The following TAFA1 variants were observed in gnomAD, a reference collection of about 807,000 sequenced individuals.
TAFA1 encodes TAFA chemokine like family member 1.
A neutral mutation model predicts 18.5 loss-of-function variants in TAFA1; 4 were observed. The ratio of observed to expected loss-of-function variants is 0.22; its 90% CI spans 0.11 to 0.49. The LOEUF is 0.49. TAFA1 is among the 20% of genes least tolerant of loss of function. The probability of loss-of-function intolerance (pLI) is 0.98; values close to 1 mark genes in which losing one functional copy is unlikely to be tolerated. For synonymous variants in TAFA1, 56 were observed against 55.2 expected (o/e 1.01, Z -0.06); for missense variants, 147 against 169.0 (o/e 0.87, Z 0.72).
chr3:68,542,758 C>A (rs1296107943), intron 4 of TAFA1, among the ~76,000 whole-genome samples: 2 of 152,096 alleles, frequency 1.3e-5, no homozygotes, highest in South Asian at 2.1e-4. Context: ...AGTTAAGAGA[C>A]AAATGGTGGT....
chr3:68,022,139 A>C (rs1238554578), intron 2 of TAFA1, among the ~76,000 whole-genome samples: 1 of 152,192 alleles, frequency 6.6e-6, no homozygotes, highest in African/African-American at 2.4e-5. Context: ...GTATTTAATT[A>C]AATTGTTGAA....
chr3:68,522,066 C>G (rs1432804357), intron 3 of TAFA1, among the ~76,000 whole-genome samples: 1 of 151,588 alleles, frequency 6.6e-6, no homozygotes, highest in African/African-American at 2.4e-5. Flanking sequence ...AGGGTGGTCT[C>G]CATCTCCTGG....
At chr3:68,504,815 A>G (rs2072719570) in intron 3 of TAFA1, among the ~76,000 whole-genome samples, 1 of 152,162 alleles carries the variant, frequency 6.6e-6, no homozygotes, top group Non-Finnish European at 1.5e-5. Context: ...CCAGGTTTCA[A>G]CCTGTGCTAT....
intron 2 of TAFA1, among the ~76,000 whole-genome samples, chr3:68,187,372 A>T (rs577823222): frequency 6.6e-6 from 1 of 152,130 alleles, no homozygotes; most frequent in Admixed American, 6.6e-5. Flanking sequence ...TGCCCCTTCT[A>T]ATCACCTTCA....
chr3:68,493,072 T>C (rs2072482307), intron 3 of TAFA1, among the ~76,000 whole-genome samples: 2 of 152,206 alleles, frequency 1.3e-5, no homozygotes, highest in African/African-American at 4.8e-5. Flanking sequence ...ATTCATATTG[T>C]TGTGCAAATC....
At chr3:68,442,679 G>A (rs766294775) in intron 3 of TAFA1, among the ~76,000 whole-genome samples, 3 of 152,160 alleles carry the variant, frequency 2.0e-5, no homozygotes, top group Non-Finnish European at 4.4e-5. Flanking sequence ...TCTACAAAAT[G>A]TATGGGATGC....
chr3:68,410,080 A>C (rs1431272875), intron 2 of TAFA1, among the ~76,000 whole-genome samples: 1 of 152,192 alleles, frequency 6.6e-6, no homozygotes, highest in Non-Finnish European at 1.5e-5. Flanking sequence ...GCATTTTTTT[A>C]ACTTCTCCAG....
Position 68,321,100 on chromosome 3 carries a change from C to T in TAFA1, c.119-96180C>T, listed in dbSNP as rs112107625. Among the ~76,000 whole-genome samples, 1,002 of 152,288 alleles carry T rather than the reference C, an allele frequency of 6.6e-3. 11 individuals are homozygous for T. The highest frequency in any genetic ancestry group is 0.014 in the Middle Eastern group (4 of 294). On this transcript the variant is annotated intron_variant, in intron 2 of 4. Coordinates refer to ENST00000478136, the MANE Select transcript of TAFA1 (RefSeq NM_213609.4). Reference sequence around the variant, plus strand: ...TCTTGCCAACTGTGTTATGTCAAGTCAATTACTCTGTCTTTACTTGAGTAT... The same window carrying T: ...TCTTGCCAACTGTGTTATGTCAAGTTAATTACTCTGTCTTTACTTGAGTAT...
At chr3:68,064,319 T>C (rs542357562) in intron 2 of TAFA1, among the ~76,000 whole-genome samples, 1 of 152,158 alleles carries the variant, frequency 6.6e-6, no homozygotes, top group East Asian at 1.9e-4. Context: ...CTGAAGCATA[T>C]TTTTTTTATT....
At chr3:68,226,266 T>C (rs2066799059) in intron 2 of TAFA1, among the ~76,000 whole-genome samples, 2 of 152,340 alleles carry the variant, frequency 1.3e-5, no homozygotes, top group Non-Finnish European at 1.5e-5. Flanking sequence ...CAGGCTGATA[T>C]GCTCCAAAGT....
chr3:68,464,366 G>A (rs2071842778), intron 3 of TAFA1, among the ~76,000 whole-genome samples: 1 of 152,204 alleles, frequency 6.6e-6, no homozygotes, highest in African/African-American at 2.4e-5. Context: ...GAGTTGGAAT[G>A]GAGGGAGCTC....
At chr3:68,399,065 A>G (rs942267575) in intron 2 of TAFA1, among the ~76,000 whole-genome samples, 3 of 152,184 alleles carry the variant, frequency 2.0e-5, no homozygotes, top group African/African-American at 7.2e-5. Flanking sequence ...GTTCTAATTT[A>G]CATAACTTTA....
chr3:68,255,805 T>A (rs938729443), intron 2 of TAFA1, among the ~76,000 whole-genome samples: 13 of 152,104 alleles, frequency 8.5e-5, no homozygotes. Flanking sequence ...GGAGATGGGC[T>A]AATAGGAAGT....
Position 68,310,394 on chromosome 3 carries a change from T to C in TAFA1, c.119-106886T>C, listed in dbSNP as rs546995230. ...AATTTTTTCTGGTGAATTATTGCCATGAATATTTCAGTACTTCAACAAGAG... is the reference window on the plus strand; with the variant it reads ...AATTTTTTCTGGTGAATTATTGCCACGAATATTTCAGTACTTCAACAAGAG... On this transcript the variant is annotated intron_variant, in intron 2 of 4. Coordinates refer to ENST00000478136, the MANE Select transcript of TAFA1 (RefSeq NM_213609.4). 6.6e-5 allele frequency among the ~76,000 whole-genome samples: 10 copies of C among 152,306 alleles called. No individual in the cohort carries two copies. The South Asian group carries it at 1.4e-3, about 22-fold the overall frequency.
intron 3 of TAFA1, among the ~76,000 whole-genome samples, chr3:68,470,768 G>T (rs550882871): frequency 9.8e-5 from 15 of 152,290 alleles, no homozygotes; most frequent in Non-Finnish European, 2.1e-4. Flanking sequence ...TAAAAGTTCG[G>T]AAAATTTGCA....
At chr3:68,007,958 C>A (rs1704394935) in intron 2 of TAFA1, among the ~76,000 whole-genome samples, 1 of 152,250 alleles carries the variant, frequency 6.6e-6, no homozygotes. Flanking sequence ...CAGGGTCCTC[C>A]CGCGCGCCTG....
intron 2 of TAFA1, among the ~76,000 whole-genome samples, chr3:68,151,852 T>G (rs1303716502): frequency 2.6e-5 from 4 of 152,194 alleles, no homozygotes; most frequent in Non-Finnish European, 2.9e-5. Flanking sequence ...CACCAAAACT[T>G]ATACATTCTA....
At chr3:68,292,821 G>T (rs1018960718) in intron 2 of TAFA1, among the ~76,000 whole-genome samples, 3 of 152,168 alleles carry the variant, frequency 2.0e-5, no homozygotes, top group African/African-American at 7.2e-5. Flanking sequence ...GGGATTACAG[G>T]TGTGAGCCAC....
chr3:68,330,010 C>T (rs1431312252), intron 2 of TAFA1, among the ~76,000 whole-genome samples: 2 of 152,108 alleles, frequency 1.3e-5, no homozygotes, highest in African/African-American at 2.4e-5. Flanking sequence ...AACTGAAGTA[C>T]TCTTGTGTGT....
Sources: gnomAD v4.1 joint callset for allele counts (sites outside exome capture counted in the v4.1 genomes callset) on GRCh38, gnomAD v4.1.1 for gene constraint, MANE v1.5 for transcripts, NCBI Gene and HGNC (gene_info 2026-07-23, HGNC 2026-07-21) for gene names.